The following RHBDD1 variants were observed in gnomAD, a reference collection of about 807,000 sequenced individuals.
RHBDD1 encodes the protein rhomboid domain containing 1.
A neutral mutation model predicts 36.3 loss-of-function variants in RHBDD1; 38 were observed. That is an observed-to-expected ratio of 1.05 (90% confidence interval 0.81 to 1.37). The LOEUF (loss-of-function observed/expected upper bound fraction) is 1.37. Among genes scored for constraint, RHBDD1 ranks in the 40% most tolerant of loss-of-function variants. RHBDD1 has a pLI of 0.00. For missense variants in RHBDD1, 393 were observed against 377.6 expected, an observed-to-expected ratio of 1.04 and a Z score of -0.34; for synonymous variants, 151 against 136.5, an observed-to-expected ratio of 1.11 and a Z score of -0.74.
Position 226,914,350 on chromosome 2 carries a change from AGGT to A in RHBDD1, c.856_856+2del. The A allele has an allele frequency of 1.2e-6, 2 of 1,612,822 alleles. No individual in the cohort carries two copies. Among genetic ancestry groups the A allele is most frequent in the Non-Finnish European group, 1.7e-6 (2 of 1,179,322 alleles). Reference sequence around the variant, plus strand: ...CATTACAAGCCAGCCTCTGGGACCGAGGTAGGAGTCTTGCGCCCTTCAGTTATT... The same window carrying A: ...CATTACAAGCCAGCCTCTGGGACCGAAGGAGTCTTGCGCCCTTCAGTTATT... On this transcript the variant is annotated splice_donor_variant and coding_sequence_variant, in exon 8 of 9. Coordinates refer to ENST00000392062, the MANE Select transcript of RHBDD1 (RefSeq NM_001167608.3). LOFTEE classifies it high-confidence loss of function.
chr2:226,974,307 G>A (rs554604077), intron 8 of RHBDD1, among the ~76,000 whole-genome samples: 23 of 151,308 alleles, frequency 1.5e-4, no homozygotes, highest in African/African-American at 4.4e-4. Context: ...GTGTGATCTC[G>A]GCTCATTGCA....
rs768197500 is a variant in RHBDD1, at chr2:226,864,684, A to G, written c.-10A>G. On this transcript the variant is annotated 5_prime_UTR_variant, in exon 4 of 9. Coordinates refer to ENST00000392062, the MANE Select transcript of RHBDD1 (RefSeq NM_001167608.3). Reference sequence around the variant, plus strand: ...TTCCCATTGCTGAGCTGTTTCCCTGATATCTGGCCATGCAACGGAGATCAA... The same window carrying G: ...TTCCCATTGCTGAGCTGTTTCCCTGGTATCTGGCCATGCAACGGAGATCAA... 1 of 1,609,272 alleles carries G rather than the reference A, an allele frequency of 6.2e-7. No individual in the cohort carries two copies.
intron 8 of RHBDD1, among the ~76,000 whole-genome samples, chr2:226,944,892 C>T (rs1478717846): frequency 6.6e-6 from 1 of 151,904 alleles, no homozygotes; most frequent in Non-Finnish European, 1.5e-5. Flanking sequence ...GTGATGAGAC[C>T]TTAGTGAAGG....
intron 3 of RHBDD1, among the ~76,000 whole-genome samples, chr2:226,856,455 A>C (rs1252307080): frequency 6.6e-6 from 1 of 152,200 alleles, no homozygotes; most frequent in African/African-American, 2.4e-5. Flanking sequence ...TTATGCTAAG[A>C]AGTTTTATTG....
At chr2:226,805,854 T>G in the RHBDD1 span, among the ~76,000 whole-genome samples, 1 of 152,196 alleles carries the variant, frequency 6.6e-6, no homozygotes, top group South Asian at 2.1e-4. Context: ...AAAGAATTGC[T>G]AGGTCACCAT....
chr2:226,975,333 G>A (rs148679022), intron 8 of RHBDD1, among the ~76,000 whole-genome samples: 3 of 152,014 alleles, frequency 2.0e-5, no homozygotes, highest in Non-Finnish European at 4.4e-5. Context: ...TCATCACGTT[G>A]TACACCTTAA....
chr2:226,807,581 GC>G, the RHBDD1 span: 6 of 152,296 alleles, frequency 3.9e-5, no homozygotes, highest in African/African-American at 1.4e-4. Context: ...AATGCAAAGA[GC>G]CCCTGACTGG....
intron 8 of RHBDD1, among the ~76,000 whole-genome samples, chr2:226,979,845 G>A (rs762175014): frequency 9.9e-5 from 15 of 152,174 alleles, no homozygotes; most frequent in Non-Finnish European, 2.1e-4. Flanking sequence ...CCATCACAGC[G>A]GTTTAGGCAC....
intron 8 of RHBDD1, chr2:226,988,272 C>A (rs1957436238): frequency 6.7e-7 from 1 of 1,490,874 alleles, no homozygotes; most frequent in African/African-American, 1.4e-5. Flanking sequence ...CCTGAGGAGG[C>A]CACTGTAAGT....
intron 5 of RHBDD1, 24 bp from the exon 6 acceptor site, chr2:226,906,769 A>G (rs1575048200): frequency 1.9e-6 from 3 of 1,613,982 alleles, no homozygotes; most frequent in Non-Finnish European, 1.7e-6. Flanking sequence ...ACAAACACTC[A>G]CAAAGGGTCT....
At chr2:226,988,960 G>T (rs1485682072) in intron 8 of RHBDD1, among the ~76,000 whole-genome samples, 1 of 152,182 alleles carries the variant, frequency 6.6e-6, no homozygotes, top group African/African-American at 2.4e-5. Context: ...AAGATGCATT[G>T]TTTCTGCTGT....
the RHBDD1 span, among the ~76,000 whole-genome samples, chr2:226,821,320 G>T: frequency 6.6e-6 from 1 of 151,646 alleles, no homozygotes; most frequent in South Asian, 2.1e-4. Context: ...GGCTTTTTTT[G>T]TTTGTTTGTT....
chr2:226,809,993 T>C, the RHBDD1 span, among the ~76,000 whole-genome samples: 1 of 152,192 alleles, frequency 6.6e-6, no homozygotes, highest in Non-Finnish European at 1.5e-5. Flanking sequence ...CACAATTTAC[T>C]AAAGTGTAAA....
At chr2:226,810,095 G>T in the RHBDD1 span, among the ~76,000 whole-genome samples, 1 of 152,096 alleles carries the variant, frequency 6.6e-6, no homozygotes, top group Admixed American at 6.5e-5. Flanking sequence ...ACTCCACAAA[G>T]TTGAAAATCT....
At chr2:226,904,419 G>GT (rs577202459) in intron 5 of RHBDD1, among the ~76,000 whole-genome samples, 11 of 148,738 alleles carry the variant, frequency 7.4e-5, no homozygotes, top group Non-Finnish European at 1.3e-4. Flanking sequence ...GCAAGCGGGG[G>GT]GGGAGGGGGG....
At chr2:226,956,560 G>A (rs757116507) in intron 8 of RHBDD1, among the ~76,000 whole-genome samples, 19 of 152,114 alleles carry the variant, frequency 1.2e-4, no homozygotes, top group African/African-American at 3.4e-4. Flanking sequence ...GTGAGTGTTC[G>A]TCTATGTTTG....
intron 8 of RHBDD1, among the ~76,000 whole-genome samples, chr2:226,937,451 G>C (rs1487883020): frequency 2.0e-5 from 3 of 151,764 alleles, no homozygotes; most frequent in African/African-American, 7.3e-5. Flanking sequence ...TTTATTTTAA[G>C]TTCAGGGGTA....
the RHBDD1 span, among the ~76,000 whole-genome samples, chr2:226,824,092 TTCTC>T: frequency 3.9e-5 from 6 of 152,074 alleles, no homozygotes; most frequent in African/African-American, 9.7e-5. Flanking sequence ...TACACGTTTT[TTCTC>T]TCTCTATATA....
intron 5 of RHBDD1, chr2:226,869,332 A>C (rs1022067730): frequency 7.7e-6 from 2 of 261,010 alleles, no homozygotes; most frequent in Admixed American, 6.5e-5. Flanking sequence ...ATCTACTTAC[A>C]CATGTATCCA....
Sources: allele counts gnomAD v4.1 joint callset (sites outside exome capture counted in the v4.1 genomes callset), GRCh38; gene constraint gnomAD v4.1.1; transcripts MANE v1.5; gene names NCBI Gene and HGNC (gene_info 2026-07-23, HGNC 2026-07-21).